OTOF: variants seen among roughly 807,000 people sequenced by gnomAD.
OTOF encodes otoferlin.
Under a neutral mutation model 236.8 loss-of-function variants are expected in OTOF, and 218 were observed. That is an observed-to-expected ratio of 0.92 (90% CI 0.82 to 1.03). The LOEUF (loss-of-function observed/expected upper bound fraction) is 1.03, where lower values mean the gene tolerates loss of function less well. Ranked by LOEUF, OTOF falls within the 50% of genes least tolerant of loss-of-function variation. The pLI, the probability that OTOF is intolerant of heterozygous loss-of-function variation, is 0.00. For synonymous variants in OTOF, 1,041 were observed against 1,072.5 expected, an observed-to-expected ratio of 0.97 and a Z score of 0.57; for missense variants, 2,590 against 2,694.4, an observed-to-expected ratio of 0.96 and a Z score of 0.86.
At chr2:26,482,080 T>C (rs1483922700) in intron 14 of OTOF, among the ~76,000 whole-genome samples, 3 of 152,224 alleles carry the variant, frequency 2.0e-5, no homozygotes, top group African/African-American at 4.8e-5. Flanking sequence ...ACAAATGCAG[T>C]ATATACACTG....
At chr2:26,516,221 G>A (rs1666519446) in intron 5 of OTOF, among the ~76,000 whole-genome samples, 197 bp downstream of exon 5, 1 of 152,182 alleles carries the variant, frequency 6.6e-6, no homozygotes. Context: ...CCTGCTCCCT[G>A]CCCAGTGACC....
At chr2:26,497,732 A>C (rs6547064) in intron 8 of OTOF, among the ~76,000 whole-genome samples, 47,051 of 151,824 alleles carry the variant, frequency 0.31, 10,197 homozygotes, top group African/African-American at 0.61. Flanking sequence ...ACGTGAAGTG[A>C]CAAAGGGACG....
At chr2:26,552,672 G>A (rs35655719) in intron 1 of OTOF, among the ~76,000 whole-genome samples, 35 of 152,130 alleles carry the variant, frequency 2.3e-4, no homozygotes, top group Non-Finnish European at 4.3e-4. Context: ...GGGGAGGGAG[G>A]AGGGGAGAAC....
chr2:26,526,133 A>AGGG (rs397984135), intron 3 of OTOF, among the ~76,000 whole-genome samples: 2 of 147,524 alleles, frequency 1.4e-5, no homozygotes, highest in Non-Finnish European at 3.0e-5. Flanking sequence ...GGAAGGATGG[A>AGGG]TGAATGGATG....
At chr2:26,497,922 C>G (rs914553436) in intron 8 of OTOF, among the ~76,000 whole-genome samples, 1 of 152,194 alleles carries the variant, frequency 6.6e-6, no homozygotes, top group Admixed American at 6.5e-5. Flanking sequence ...TTCCACGAAC[C>G]CTTTTTTGCC....
chr2:26,516,323 G>T, intron 5 of OTOF, 95 bp downstream of exon 5: 2 of 1,180,094 alleles, frequency 1.7e-6, no homozygotes, highest in Non-Finnish European at 1.2e-6. Context: ...TCTGAGCCCA[G>T]CTAGGCCTAG....
chr2:26,489,094 C>T (rs1665770245), intron 11 of OTOF, 117 bp downstream of exon 11: 1 of 763,420 alleles, frequency 1.3e-6, no homozygotes, highest in Non-Finnish European at 2.3e-6. Flanking sequence ...CTAACAGTCG[C>T]CAGACTGTGG....
chr2:26,489,183 G>T, intron 11 of OTOF, 28 bp downstream of exon 11: 2 of 1,550,404 alleles, frequency 1.3e-6, no homozygotes, highest in Non-Finnish European at 1.8e-6. Context: ...TGCACACCTC[G>T]ACTGACTGGC....
At chr2:26,472,071 T>C (rs996441772) in intron 30 of OTOF, among the ~76,000 whole-genome samples, 4 of 151,410 alleles carry the variant, frequency 2.6e-5, no homozygotes, top group Non-Finnish European at 4.4e-5. Context: ...CATGCATGCA[T>C]GCACGTGCAT....
At chr2:26,497,391 G>C (rs6757838) in intron 8 of OTOF, among the ~76,000 whole-genome samples, 2 of 152,112 alleles carry the variant, frequency 1.3e-5, no homozygotes, top group Non-Finnish European at 2.9e-5. Context: ...CACTGAGCCC[G>C]GCACATTCTT....
intron 36 of OTOF, 30 bp downstream of exon 36, chr2:26,466,684 T>A: frequency 6.2e-6 from 10 of 1,613,710 alleles, no homozygotes; most frequent in Non-Finnish European, 8.5e-6. Flanking sequence ...TGAGGAGACT[T>A]GCAAGGAGGG....
chr2:26,470,519 C>A lies in OTOF; in HGVS notation c.4023+74G>T. On this transcript the variant is annotated intron_variant, in intron 32 of 46. Coordinates refer to ENST00000272371, the MANE Select transcript of OTOF (RefSeq NM_194248.3). This position sits in a 1 kb window ranked among gnomAD's most constrained non-coding sequence, Gnocchi z 4.3. ...GAGTTGGGATCCAGCTCTTGGGGGCCGTGGGAAAGAAGCTGGACAGGAGGG... is the reference window on the plus strand; with the variant it reads ...GAGTTGGGATCCAGCTCTTGGGGGCAGTGGGAAAGAAGCTGGACAGGAGGG... 1 of 1,457,768 alleles carries A rather than the reference C, an allele frequency of 6.9e-7. No homozygotes were observed. Among genetic ancestry groups the A allele is most frequent in the Admixed American group, 1.7e-5 (1 of 59,808 alleles). The allele number at this position is 1,457,768 out of a possible 1,614,324, so 90.3% of individuals were successfully genotyped here.
chr2:26,469,437 C>T (rs770651050), intron 32 of OTOF, among the ~76,000 whole-genome samples: 3 of 152,246 alleles, frequency 2.0e-5, no homozygotes, highest in Non-Finnish European at 4.4e-5. Flanking sequence ...GCTGAGCACA[C>T]AGCCACCTTG....
chr2:26,468,675 G>A (rs1435459441), intron 32 of OTOF, among the ~76,000 whole-genome samples: 1 of 152,166 alleles, frequency 6.6e-6, no homozygotes, highest in Non-Finnish European at 1.5e-5. Context: ...GGTACTTAGG[G>A]GTTTATGCAT....
Position 26,477,102 on chromosome 2 carries a change from C to T in OTOF, c.2524-59G>A, listed in dbSNP as rs912320460. The T allele has an allele frequency of 5.2e-6, 8 of 1,552,764 alleles. No individual in the cohort carries two copies. The highest frequency in any genetic ancestry group is 6.1e-6 in the Non-Finnish European group (7 of 1,138,632). On this transcript the variant is annotated intron_variant, in intron 21 of 46. Coordinates refer to ENST00000272371, the MANE Select transcript of OTOF (RefSeq NM_194248.3). The surrounding 1 kb of genome is among the most constrained non-coding windows in gnomAD (Gnocchi z 4.7). ...AAGGGGGTCTAGCCTCCTGATTGAG[C>T]CCCCTGATCCTGAGGGGCCCCAGAG... is the stretch of plus-strand genomic sequence containing the variant.
In OTOF at chr2:26,461,240, G is replaced by T. The variant is rs1352148054; in HGVS notation, c.5534-210C>A. Among the ~76,000 whole-genome samples, 1 of 152,110 alleles carries T rather than the reference G, an allele frequency of 6.6e-6. No individual in the cohort carries two copies. Among genetic ancestry groups the T allele is most frequent in the East Asian group, 1.9e-4 (1 of 5,186 alleles). ...GCCCCAGCCCCCATGCTTTACTCAGGTCCTTCTTTCACCCCAGAGGGTCTC... is the reference window on the plus strand; with the variant it reads ...GCCCCAGCCCCCATGCTTTACTCAGTTCCTTCTTTCACCCCAGAGGGTCTC... On this transcript the variant is annotated intron_variant, in intron 43 of 46. Transcript: ENST00000272371. The surrounding 1 kb of genome is among the most constrained non-coding windows in gnomAD (Gnocchi z 6.2).
rs942046331 is a variant in OTOF at position 26,462,062 on chromosome 2, A to G, written c.5291+21T>C. On this transcript the variant is annotated intron_variant, in intron 42 of 46. Transcript: ENST00000272371. The surrounding 1 kb of genome is among the most constrained non-coding windows in gnomAD (Gnocchi z 4.7). ...AGCCCCACCCAGCTCAGTCCCTCCC[A>G]TGCAGGGACTGCTCACCCACCCCCT... The G allele has an allele frequency of 5.0e-6, 5 of 990,160 alleles. No homozygotes were observed. The highest frequency in any genetic ancestry group is 7.6e-6 in the Non-Finnish European group (5 of 653,690). The allele number at this position is 990,160 out of a possible 1,614,324, so 61.3% of individuals were successfully genotyped here. A position where few individuals can be genotyped will look rare whatever the true frequency, so the allele number is the denominator to read the frequency against.
In OTOF at chr2:26,460,617, G is replaced by C; in HGVS notation, c.5813+30C>G. The stretch of plus-strand genomic sequence containing the variant: ...TTCCAGCGCCTCCAAGAGCCAGAGT[G>C]GGGAGGGGCTGGGCCGGCAGGGCAC... On this transcript the variant is annotated intron_variant, in intron 45 of 46. Transcript: ENST00000272371. The surrounding 1 kb of genome is among the most constrained non-coding windows in gnomAD (Gnocchi z 5.3). 2 of 1,552,554 alleles carry C rather than the reference G, an allele frequency of 1.3e-6. No homozygotes were observed. The highest frequency in any genetic ancestry group is 1.8e-6 in the Non-Finnish European group (2 of 1,124,424).
intron 6 of OTOF, among the ~76,000 whole-genome samples, chr2:26,502,871 A>G (rs1666150512): frequency 1.3e-5 from 2 of 152,270 alleles, no homozygotes; most frequent in African/African-American, 4.8e-5. Flanking sequence ...TCACAGGTAC[A>G]GAAACGAAGG....
Sources: gnomAD v4.1 joint callset for allele counts (sites outside exome capture counted in the v4.1 genomes callset) on GRCh38, gnomAD v4.1.1 for gene constraint, Gnocchi (gnomAD v3.1) non-coding constraint, MANE v1.5 for transcripts, NCBI Gene and HGNC (gene_info 2026-07-23, HGNC 2026-07-21) for gene names.